Variants in NBEA observed in about 807,000 individuals in gnomAD.
The protein encoded by NBEA is lysosomal-trafficking regulator 2.
A neutral mutation model predicts 343.4 loss-of-function variants in NBEA; 44 were observed. The ratio of observed to expected loss-of-function variants is 0.13; its 90% CI spans 0.10 to 0.16. The LOEUF is 0.16. Ranked by LOEUF, NBEA falls within the 10% of genes least tolerant of loss-of-function variation. The pLI is 1.00. For missense variants in NBEA, 2,555 were observed against 3,631.3 expected, an observed-to-expected ratio of 0.70 and a Z score of 7.62; for synonymous variants, 1,175 against 1,238.7, an observed-to-expected ratio of 0.95 and a Z score of 1.08.
intron 1 of NBEA, among the ~76,000 whole-genome samples, chr13:34,992,356 G>A (rs1234980271): frequency 6.7e-6 from 1 of 149,396 alleles, no homozygotes; most frequent in Non-Finnish European, 1.5e-5. Flanking sequence ...CTGGATTCAA[G>A]CTGTTCTCCT....
At chr13:35,155,888 G>T in intron 19 of NBEA, 33 bp downstream of exon 19, 1 of 1,570,866 alleles carries the variant, frequency 6.4e-7, no homozygotes, top group Non-Finnish European at 8.8e-7. Flanking sequence ...CTGTATTGTG[G>T]TAGGCGCATG....
intron 34 of NBEA, among the ~76,000 whole-genome samples, chr13:35,240,821 G>C (rs1399495374): frequency 6.6e-6 from 1 of 151,750 alleles, no homozygotes; most frequent in Non-Finnish European, 1.5e-5. Context: ...GAGTACTCCT[G>C]GGATACGTGG....
At chr13:35,479,720 T>C (rs966645653) in intron 41 of NBEA, among the ~76,000 whole-genome samples, 2 of 152,200 alleles carry the variant, frequency 1.3e-5, no homozygotes, top group African/African-American at 4.8e-5. Context: ...TGAAAAGTTT[T>C]TTTAAAAAAC....
At chr13:35,254,759 C>T (rs987858054) in intron 34 of NBEA, among the ~76,000 whole-genome samples, 6 of 151,786 alleles carry the variant, frequency 4.0e-5, no homozygotes, top group African/African-American at 7.3e-5. Flanking sequence ...GTTCAAATTC[C>T]GTTATCTAAA....
chr13:35,185,071 G>A (rs1007606927), intron 30 of NBEA, among the ~76,000 whole-genome samples: 5 of 152,206 alleles, frequency 3.3e-5, no homozygotes, highest in East Asian at 3.9e-4. Flanking sequence ...CAGGAAGTCC[G>A]AGAGACTTGA....
intron 38 of NBEA, among the ~76,000 whole-genome samples, chr13:35,405,929 A>C (rs2043245322): frequency 6.6e-6 from 1 of 152,126 alleles, no homozygotes; most frequent in African/African-American, 2.4e-5. Flanking sequence ...TCTTGGCCCT[A>C]AGATTGCTTT....
chr13:35,116,627 T>C (rs1483518098), intron 13 of NBEA, among the ~76,000 whole-genome samples: 1 of 152,136 alleles, frequency 6.6e-6, no homozygotes, highest in African/African-American at 2.4e-5. Flanking sequence ...CTATACATTA[T>C]ACATGAAGGG....
chr13:35,033,297 G>A (rs758512756), intron 1 of NBEA, among the ~76,000 whole-genome samples: 4 of 151,340 alleles, frequency 2.6e-5, no homozygotes, highest in African/African-American at 7.2e-5. Flanking sequence ...GCACCTTTGC[G>A]AAAAATGAGT....
rs990031216 is a variant in NBEA at position 35,357,077 on chromosome 13, A to G, written c.6179+4754A>G. Reference sequence around the variant, plus strand: ...GTACCCAGTGCATAGAACTCTGCATATAATAATTGTTCAACACATAATTTA... The same window carrying G: ...GTACCCAGTGCATAGAACTCTGCATGTAATAATTGTTCAACACATAATTTA... On this transcript the variant is annotated intron_variant, in intron 38 of 58. Transcript: ENST00000379939. Among the ~76,000 whole-genome samples the G allele has an allele frequency of 3.3e-5, 5 of 152,254 alleles. 1 individual carries two copies. The highest frequency in any genetic ancestry group is 2.1e-4 in the South Asian group (1 of 4,818).
chr13:35,463,512 G>A (rs1370336405), intron 40 of NBEA, among the ~76,000 whole-genome samples: 1 of 151,974 alleles, frequency 6.6e-6, no homozygotes, highest in Non-Finnish European at 1.5e-5. Flanking sequence ...GTGGTCCCAA[G>A]TACTCAGGAG....
At chr13:35,534,209 C>G (rs2078417308) in intron 41 of NBEA, among the ~76,000 whole-genome samples, 1 of 152,114 alleles carries the variant, frequency 6.6e-6, no homozygotes, top group African/African-American at 2.4e-5. Flanking sequence ...GCAGAAAACT[C>G]CTAGCCACTG....
chr13:35,173,018 A>G (rs887128410), intron 26 of NBEA, among the ~76,000 whole-genome samples: 5 of 152,148 alleles, frequency 3.3e-5, no homozygotes, highest in African/African-American at 4.8e-5. Context: ...GATGTACTCT[A>G]TTATTGCCCG....
chr13:35,043,941 A>G (rs2152559982), intron 2 of NBEA, among the ~76,000 whole-genome samples: 1 of 152,152 alleles, frequency 6.6e-6, no homozygotes, highest in Admixed American at 6.6e-5. Context: ...CCTTTGTAGT[A>G]TGTTTCATTC....
chr13:34,968,366 C>G (rs2059894971), intron 1 of NBEA, among the ~76,000 whole-genome samples: 1 of 152,018 alleles, frequency 6.6e-6, no homozygotes, highest in Admixed American at 6.6e-5. Flanking sequence ...CTTGGCCAGC[C>G]CTTCCCTTGA....
intron 1 of NBEA, among the ~76,000 whole-genome samples, chr13:35,025,791 C>T (rs1466899260): frequency 6.6e-6 from 1 of 152,078 alleles, no homozygotes; most frequent in African/African-American, 2.4e-5. Flanking sequence ...TCTCCATCTT[C>T]ATTTTGTTTT....
intron 49 of NBEA, among the ~76,000 whole-genome samples, chr13:35,635,901 A>G (rs1423907315): frequency 6.6e-6 from 1 of 152,176 alleles, no homozygotes; most frequent in African/African-American, 2.4e-5. Flanking sequence ...CAGCTAGTCA[A>G]AGTTGGATGT....
intron 57 of NBEA, 65 bp downstream of exon 57, chr13:35,667,635 A>G: frequency 1.5e-6 from 2 of 1,370,892 alleles, no homozygotes; most frequent in African/African-American, 1.4e-5. Flanking sequence ...ATTGTTTTAC[A>G]TTAAATAATT....
At chr13:35,538,665 C>T (rs188698138) in intron 41 of NBEA, among the ~76,000 whole-genome samples, 1 of 152,186 alleles carries the variant, frequency 6.6e-6, no homozygotes, top group Non-Finnish European at 1.5e-5. Context: ...TGTACAGTAA[C>T]CCCCGTGAGG....
chr13:35,586,270 GAA>G (rs1197852836), intron 46 of NBEA, among the ~76,000 whole-genome samples: 2 of 152,162 alleles, frequency 1.3e-5, no homozygotes, highest in Non-Finnish European at 2.9e-5. Context: ...ACTTTCTACA[GAA>G]ATTTAGTATG....
Sources: allele counts gnomAD v4.1 joint callset (sites outside exome capture counted in the v4.1 genomes callset), GRCh38; gene constraint gnomAD v4.1.1; transcripts MANE v1.5; gene names NCBI Gene and HGNC (gene_info 2026-07-23, HGNC 2026-07-21).